The following CSMD1 variants were observed in gnomAD, a reference collection of about 807,000 sequenced individuals.
CSMD1 encodes the protein CUB and sushi domain-containing protein 1.
In CSMD1, 213 loss-of-function variants were observed where a neutral mutation model predicts 417.5. The ratio of observed to expected loss-of-function variants is 0.51; its 90% confidence interval spans 0.46 to 0.57. The LOEUF is 0.57. Ranked by LOEUF, CSMD1 falls within the 20% of genes least tolerant of loss-of-function variation. The pLI is 0.00. For missense variants in CSMD1, 6,923 were observed against 4,529.7 expected (o/e 1.53, Z -15.17); for synonymous variants, 2,862 against 1,736.8 (o/e 1.65, Z -16.11).
rs150335660 is a variant in CSMD1, at chr8:3,059,685, C to T, written c.7475-7038G>A. On this transcript the variant is annotated intron_variant, in intron 49 of 69. Transcript: ENST00000635120. ...GAGAGAGGGTCCTGAGTGGGGCAGA[C>T]GTAGGAAGCCCAGTAGGGCAGCCCA... 7.3e-4 allele frequency among the ~76,000 whole-genome samples: 111 copies of T among 152,098 alleles called. 2 individuals carry two copies. The East Asian group carries it at 0.012, about 16-fold the overall frequency.
chr8:4,246,566 A>AGAAAACCCTC (rs1802722459), intron 3 of CSMD1, among the ~76,000 whole-genome samples: 1 of 152,162 alleles, frequency 6.6e-6, no homozygotes, highest in Non-Finnish European at 1.5e-5. Context: ...TTTTCTTTAA[A>AGAAAACCCTC]ATAATTATTT....
At chr8:4,496,383 G>A (rs1426297675) in intron 2 of CSMD1, among the ~76,000 whole-genome samples, 1 of 152,120 alleles carries the variant, frequency 6.6e-6, no homozygotes, top group Non-Finnish European at 1.5e-5. Context: ...CCTGACAGGG[G>A]GCTGGAGAGA....
intron 10 of CSMD1, among the ~76,000 whole-genome samples, chr8:3,525,966 C>T (rs528687482): frequency 5.9e-5 from 9 of 152,264 alleles, no homozygotes; most frequent in African/African-American, 1.7e-4. Flanking sequence ...AATTCTTCAG[C>T]TCTGGTAAAA....
At chr8:2,981,602 G>A (rs1805429605) in intron 54 of CSMD1, among the ~76,000 whole-genome samples, 1 of 152,128 alleles carries the variant, frequency 6.6e-6, no homozygotes, top group Non-Finnish European at 1.5e-5. Flanking sequence ...TGGGAGGAAT[G>A]AGAACACTGA....
At chr8:4,283,511 T>C (rs1364734955) in intron 3 of CSMD1, among the ~76,000 whole-genome samples, 1 of 152,230 alleles carries the variant, frequency 6.6e-6, no homozygotes, top group Non-Finnish European at 1.5e-5. Flanking sequence ...CCAATCATTT[T>C]ATAGAACTAA....
chr8:4,294,661 T>C (rs1055639180), intron 3 of CSMD1, among the ~76,000 whole-genome samples: 2 of 152,154 alleles, frequency 1.3e-5, no homozygotes, highest in Non-Finnish European at 2.9e-5. Flanking sequence ...TGTTTCTTGG[T>C]ATTTTACATT....
At chr8:3,911,639 G>A (rs1478012615) in intron 5 of CSMD1, among the ~76,000 whole-genome samples, 1 of 151,854 alleles carries the variant, frequency 6.6e-6, no homozygotes, top group East Asian at 1.9e-4. Flanking sequence ...ACTAGGAGTG[G>A]CTTTCATAAT....
At chr8:3,773,489 G>C (rs894504315) in intron 5 of CSMD1, among the ~76,000 whole-genome samples, 6 of 152,084 alleles carry the variant, frequency 3.9e-5, no homozygotes, top group African/African-American at 1.4e-4. Context: ...GTCTCACCGT[G>C]TTTCCCAGGC....
intron 1 of CSMD1, among the ~76,000 whole-genome samples, chr8:4,762,533 A>C (rs1233073703): frequency 1.3e-5 from 2 of 152,126 alleles, no homozygotes; most frequent in Non-Finnish European, 2.9e-5. Flanking sequence ...AAAAAACATC[A>C]AAAAAGTAAC....
At chr8:3,524,716 AC>A (rs1371546727) in intron 10 of CSMD1, among the ~76,000 whole-genome samples, 1 of 151,638 alleles carries the variant, frequency 6.6e-6, no homozygotes, top group African/African-American at 2.4e-5. Context: ...ACAAGCACAT[AC>A]ATGCACACAC....
intron 3 of CSMD1, among the ~76,000 whole-genome samples, chr8:4,248,267 C>A (rs949564222): frequency 6.6e-6 from 1 of 152,124 alleles, no homozygotes. Context: ...GTCTTAATTT[C>A]TAGTCCACTA....
intron 1 of CSMD1, among the ~76,000 whole-genome samples, chr8:4,831,873 G>A (rs1288162006): frequency 6.6e-6 from 1 of 152,126 alleles, no homozygotes; most frequent in East Asian, 1.9e-4. Flanking sequence ...AAGGTGCAAG[G>A]ATGAGGATGA....
intron 3 of CSMD1, among the ~76,000 whole-genome samples, chr8:4,081,102 G>A (rs931241243): frequency 1.3e-5 from 2 of 152,148 alleles, no homozygotes; most frequent in African/African-American, 2.4e-5. Context: ...AGAGAGATTG[G>A]ACTGCTTCCA....
At chr8:4,078,965 C>G (rs919242077) in intron 3 of CSMD1, among the ~76,000 whole-genome samples, 3 of 140,482 alleles carry the variant, frequency 2.1e-5, no homozygotes, top group African/African-American at 5.6e-5. Context: ...GCTATCTTCT[C>G]TTCACTTTTT....
At chr8:4,425,978 C>T (rs1797527777) in intron 2 of CSMD1, among the ~76,000 whole-genome samples, 1 of 151,384 alleles carries the variant, frequency 6.6e-6, no homozygotes. Context: ...TAGACATAGC[C>T]CAAAATTAAA....
intron 3 of CSMD1, among the ~76,000 whole-genome samples, chr8:4,317,464 G>A (rs1367909922): frequency 1.3e-5 from 2 of 152,162 alleles, no homozygotes; most frequent in Non-Finnish European, 2.9e-5. Flanking sequence ...TCTATACGCT[G>A]CCAGTGTAAG....
At chr8:4,396,990 G>T (rs1034942474) in intron 3 of CSMD1, among the ~76,000 whole-genome samples, 3 of 151,970 alleles carry the variant, frequency 2.0e-5, no homozygotes, top group African/African-American at 7.2e-5. Context: ...ACCTATTCAT[G>T]TAACCAAACA....
intron 3 of CSMD1, among the ~76,000 whole-genome samples, chr8:4,177,858 C>T (rs1170999071): frequency 6.6e-6 from 1 of 151,684 alleles, no homozygotes; most frequent in Non-Finnish European, 1.5e-5. Context: ...TCGACACATA[C>T]ACTCTCCCAA....
At chr8:4,065,601 G>A (rs980062109) in intron 3 of CSMD1, among the ~76,000 whole-genome samples, 5 of 152,100 alleles carry the variant, frequency 3.3e-5, no homozygotes, top group Non-Finnish European at 7.4e-5. Context: ...CAAATGCTAT[G>A]TAAAGGAGAC....
Sources: gnomAD v4.1 joint callset for allele counts (sites outside exome capture counted in the v4.1 genomes callset) on GRCh38, gnomAD v4.1.1 for gene constraint, MANE v1.5 for transcripts, NCBI Gene and HGNC (gene_info 2026-07-23, HGNC 2026-07-21) for gene names.